Variants in VPS39 observed in about 807,000 individuals in gnomAD.
VPS39 encodes vam6/Vps39-like protein.
A neutral mutation model predicts 121.0 loss-of-function variants in VPS39; 70 were observed. The ratio of observed to expected loss-of-function variants is 0.58; its 90% CI spans 0.48 to 0.71. The LOEUF (loss-of-function observed/expected upper bound fraction) is 0.71. Ranked by LOEUF, VPS39 falls within the 30% of genes least tolerant of loss-of-function variation. The probability of loss-of-function intolerance (pLI) is 0.00; values close to 1 mark genes in which losing one functional copy is unlikely to be tolerated. For missense variants in VPS39, 818 were observed against 1,051.5 expected (o/e 0.78, Z 3.07); for synonymous variants, 378 against 398.1 (o/e 0.95, Z 0.60).
intron 10 of VPS39, among the ~76,000 whole-genome samples, chr15:42,175,199 G>A (rs1271341202): frequency 1.3e-5 from 2 of 152,040 alleles, no homozygotes; most frequent in African/African-American, 2.4e-5. Context: ...GGATCATGAG[G>A]TCAGGAAAGA....
At chr15:42,203,289 T>C (rs998360191) in intron 1 of VPS39, among the ~76,000 whole-genome samples, 1 of 152,050 alleles carries the variant, frequency 6.6e-6, no homozygotes, top group South Asian at 2.1e-4. Context: ...GCCAACACAG[T>C]GGAAACCCAT....
At position 42,166,925 on chromosome 15, in the gene VPS39, G is replaced by A; in HGVS notation, c.1378-12C>T. The A allele has an allele frequency of 6.2e-7, 1 of 1,614,064 alleles. No homozygotes were observed. Among genetic ancestry groups the A allele is most frequent in the African/African-American group, 1.3e-5 (1 of 75,064 alleles). On this transcript the variant is annotated splice_polypyrimidine_tract_variant and intron_variant, in intron 13 of 24. Coordinates refer to ENST00000318006, the MANE Select transcript of VPS39 (RefSeq NM_015289.5). ...AGGGCCACATTTGTCTGCAGAAAGA[G>A]CAGGAGTTCAGTGGAAACTGCTTCC... is the stretch of plus-strand genomic sequence containing the variant.
chr15:42,178,322 C>A lies in VPS39; in HGVS notation c.856G>T (p.Val286Leu). The A allele has an allele frequency of 1.9e-6, 3 of 1,614,092 alleles. No individual in the cohort carries two copies. The highest frequency in any genetic ancestry group is 2.5e-6 in the Non-Finnish European group (3 of 1,180,036). Residue 286 changes from valine (V) to leucine (L), a missense_variant, in exon 10 of 25, where the codon GTG becomes TTG. Coordinates refer to ENST00000318006, the MANE Select transcript of VPS39 (RefSeq NM_015289.5). The part of the protein sequence containing the change: ...ITSGGSNIIY[V>L]ASNHFVWRLI... ...CTCCAAACAAAATGATTGCTGGCCA[C>A]ATAGATAATGTTTGATCTGGAAGCA...
chr15:42,170,994 C>T (rs546263660), intron 11 of VPS39, among the ~76,000 whole-genome samples: 139 of 152,090 alleles, frequency 9.1e-4, no homozygotes, highest in African/African-American at 3.2e-3. Flanking sequence ...TTTGGTCTCC[C>T]AAAATGCTGG....
Position 42,169,870 on chromosome 15 carries a change from T to C in VPS39, c.1091-4A>G. ...AGGCCCATCACATGGGTGGGATCTA[T>C]ATGGAAGGTAAACATGATTCCTCTG... is the stretch of plus-strand genomic sequence containing the variant. On this transcript the variant is annotated splice_region_variant and splice_polypyrimidine_tract_variant and intron_variant, in intron 11 of 24. Coordinates refer to ENST00000318006, the MANE Select transcript of VPS39 (RefSeq NM_015289.5). 1 of 1,606,778 alleles carries C rather than the reference T, an allele frequency of 6.2e-7. No homozygotes were observed. Among genetic ancestry groups the C allele is most frequent in the Non-Finnish European group, 8.5e-7 (1 of 1,175,942 alleles).
intron 1 of VPS39, among the ~76,000 whole-genome samples, chr15:42,202,991 T>G (rs2050097693): frequency 6.6e-6 from 1 of 152,166 alleles, no homozygotes. Context: ...AAATGTTTCT[T>G]GCCAATAGAT....
rs2049199240 is a variant in VPS39, at chr15:42,164,372, T to C, written c.2012A>G (p.Asp671Gly). 6.2e-7 allele frequency: 1 copy of C among 1,613,986 alleles called. No individual in the cohort carries two copies. Among genetic ancestry groups the C allele is most frequent in the Non-Finnish European group, 8.5e-7 (1 of 1,179,936 alleles). The change falls in exon 19 of 25, where the codon GAT becomes GGT. Residue 671 changes from aspartate (D) to glycine (G), a missense_variant. By Grantham distance (94) the Asp-to-Gly change is moderately conservative. Transcript: ENST00000318006. The stretch of plus-strand genomic sequence containing the variant: ...CAGACACTCACCATCAAAGGGAAAA[T>C]CACAGATGAGCCGGCCTGGATCATA... ...SYYDPGRLICDFPFDGLLEER... is the reference protein window; with the variant it reads ...SYYDPGRLICGFPFDGLLEER...
At chr15:42,187,130 G>A in intron 7 of VPS39, 141 bp downstream of exon 7, 1 of 601,292 alleles carries the variant, frequency 1.7e-6, no homozygotes, top group Non-Finnish European at 2.8e-6. Flanking sequence ...TGCTGAGCAT[G>A]AATGATAACT....
intron 5 of VPS39, 61 bp downstream of exon 5, chr15:42,189,053 G>A: frequency 8.5e-7 from 1 of 1,175,840 alleles, no homozygotes; most frequent in Non-Finnish European, 1.3e-6. Context: ...TGGTAGGAAT[G>A]ATGTAGGAAA....
chr15:42,170,104 T>C (rs614774), intron 11 of VPS39, among the ~76,000 whole-genome samples: 3 of 152,082 alleles, frequency 2.0e-5, no homozygotes, highest in African/African-American at 7.2e-5. Context: ...TACACACACA[T>C]AATTAGAATT....
At chr15:42,169,965 G>C in intron 11 of VPS39, 99 bp from the exon 12 acceptor site, 2 of 995,804 alleles carry the variant, frequency 2.0e-6, no homozygotes, top group Non-Finnish European at 2.6e-6. Context: ...GTTCCAGACT[G>C]ATTTAAAAAA....
intron 10 of VPS39, among the ~76,000 whole-genome samples, chr15:42,175,814 G>C (rs1007769158): frequency 7.2e-5 from 11 of 151,932 alleles, no homozygotes; most frequent in African/African-American, 2.4e-4. Flanking sequence ...ATAGACACAG[G>C]CCACACTTTA....
At chr15:42,184,368 T>C in intron 8 of VPS39, 149 bp downstream of exon 8, 1 of 749,382 alleles carries the variant, frequency 1.3e-6, no homozygotes. Flanking sequence ...TTAATGACCC[T>C]AAAATGTCAT....
At chr15:42,161,276 A>G (rs1182850605) in intron 24 of VPS39, 4 of 347,130 alleles carry the variant, frequency 1.2e-5, no homozygotes, top group African/African-American at 6.3e-5. Context: ...ACTAGAGTAT[A>G]TGTCTTAACA....
intron 16 of VPS39, among the ~76,000 whole-genome samples, 155 bp downstream of exon 16, chr15:42,166,004 A>G (rs1386219311): frequency 2.0e-5 from 3 of 152,146 alleles, no homozygotes; most frequent in African/African-American, 7.2e-5. Context: ...CTCTCTACCA[A>G]CTACAGTGCT....
intron 1 of VPS39, among the ~76,000 whole-genome samples, 186 bp from the exon 2 acceptor site, chr15:42,200,147 G>C (rs1291501224): frequency 6.6e-6 from 1 of 152,072 alleles, no homozygotes; most frequent in East Asian, 1.9e-4. Flanking sequence ...ACTCATGTTT[G>C]AAAATCAACC....
chr15:42,173,680 C>G (rs755285624), intron 11 of VPS39, 43 bp downstream of exon 11: 1 of 1,593,032 alleles, frequency 6.3e-7, no homozygotes. Flanking sequence ...TCAGGCTCCC[C>G]TCCTCCATTA....
chr15:42,176,565 GAAAAT>G (rs909441706), intron 10 of VPS39, among the ~76,000 whole-genome samples: 4 of 150,928 alleles, frequency 2.7e-5, no homozygotes, highest in African/African-American at 7.3e-5. Flanking sequence ...TTTTAAAAAT[GAAAAT>G]AAAATAATAT....
chr15:42,164,756 G>C, intron 18 of VPS39: 1 of 1,429,418 alleles, frequency 7.0e-7, no homozygotes, highest in South Asian at 1.5e-5. Flanking sequence ...AGACAGGTCT[G>C]TTCCTTCCAC....
Sources: allele counts gnomAD v4.1 joint callset (sites outside exome capture counted in the v4.1 genomes callset), GRCh38; gene constraint gnomAD v4.1.1; transcripts MANE v1.5; gene names NCBI Gene and HGNC (gene_info 2026-07-23, HGNC 2026-07-21).